ZNF385D: variants seen among roughly 807,000 people sequenced by gnomAD.
ZNF385D encodes zinc finger protein 659.
Under a neutral mutation model 35.8 loss-of-function variants are expected in ZNF385D, and 15 were observed. The ratio of observed to expected loss-of-function variants is 0.42; its 90% CI spans 0.28 to 0.64. The LOEUF is 0.64. ZNF385D is among the 30% of genes least tolerant of loss of function. The pLI is 0.23. For missense variants in ZNF385D, 474 were observed against 494.6 expected, an observed-to-expected ratio of 0.96 and a Z score of 0.39; for synonymous variants, 212 against 186.8, an observed-to-expected ratio of 1.13 and a Z score of -1.10.
chr3:22,177,787 T>C (rs1321928883), intron 2 of ZNF385D, among the ~76,000 whole-genome samples: 1 of 152,136 alleles, frequency 6.6e-6, no homozygotes, highest in African/African-American at 2.4e-5. Flanking sequence ...CCTGTGCCCA[T>C]GTGTTCTCAC....
chr3:22,184,623 C>G (rs567666554), intron 2 of ZNF385D, among the ~76,000 whole-genome samples: 1 of 152,042 alleles, frequency 6.6e-6, no homozygotes, highest in Admixed American at 6.6e-5. Flanking sequence ...GTCAGGAATT[C>G]GAGACCAGAC....
At chr3:21,987,572 C>A (rs890138284) in intron 3 of ZNF385D, among the ~76,000 whole-genome samples, 1 of 119,672 alleles carries the variant, frequency 8.4e-6, no homozygotes, top group Non-Finnish European at 1.7e-5. Context: ...TTGAGGGTAA[C>A]CCGACCTTTC....
intron 3 of ZNF385D, among the ~76,000 whole-genome samples, chr3:21,845,658 C>T (rs1695960326): frequency 6.6e-6 from 1 of 151,912 alleles, no homozygotes; most frequent in South Asian, 2.1e-4. Flanking sequence ...AATATATCCC[C>T]TGAAGAAACA....
chr3:21,751,017 T>C lies in ZNF385D; in HGVS notation c.-101A>G, dbSNP rs1403400187. 8 of 1,603,852 alleles carry C rather than the reference T, an allele frequency of 5.0e-6. No homozygotes were observed. In the Admixed American group the frequency reaches 6.8e-5, roughly 14 times the overall value. ...CCTTTCATGCTACATTCGGTGGAAA[T>C]GTCCCCGGCGTGGAGAGCAGTGAGC... is the stretch of plus-strand genomic sequence containing the variant. On this transcript the variant is annotated 5_prime_UTR_variant, in exon 1 of 8. Transcript: ENST00000281523.
chr3:21,976,285 T>A (rs908422248), intron 3 of ZNF385D, among the ~76,000 whole-genome samples: 1 of 151,914 alleles, frequency 6.6e-6, no homozygotes, highest in African/African-American at 2.4e-5. Context: ...GAAGAAAAAA[T>A]AGACAACAGA....
intron 2 of ZNF385D, among the ~76,000 whole-genome samples, chr3:22,305,755 T>C (rs1703173241): frequency 6.6e-6 from 1 of 152,168 alleles, no homozygotes; most frequent in African/African-American, 2.4e-5. Flanking sequence ...TCAGTAAAAG[T>C]AGAGAACTAA....
At chr3:21,663,900 T>TATATATATATATATATATATATATATAC (rs2066312607) in intron 2 of ZNF385D, among the ~76,000 whole-genome samples, 2 of 117,640 alleles carry the variant, frequency 1.7e-5, no homozygotes, top group Non-Finnish European at 3.6e-5. Context: ...AATATATATA[T>TATATATATATATATATATATATATATAC]ATATATATAT....
chr3:22,280,461 G>A (rs1182747672), intron 2 of ZNF385D, among the ~76,000 whole-genome samples: 2 of 151,808 alleles, frequency 1.3e-5, no homozygotes, highest in African/African-American at 2.4e-5. Context: ...TAAGAGAAGA[G>A]GATCCAGTTT....
chr3:22,017,130 T>C (rs1459237631), intron 3 of ZNF385D, among the ~76,000 whole-genome samples: 2 of 152,060 alleles, frequency 1.3e-5, no homozygotes, highest in Non-Finnish European at 2.9e-5. Context: ...AGGTTAACAT[T>C]TTGTTATATA....
At chr3:21,704,760 A>G (rs1039416401) in intron 1 of ZNF385D, among the ~76,000 whole-genome samples, 1 of 152,208 alleles carries the variant, frequency 6.6e-6, no homozygotes, top group African/African-American at 2.4e-5. Context: ...CAGTATCCCC[A>G]GTACCTAGAA....
intron 2 of ZNF385D, among the ~76,000 whole-genome samples, chr3:22,256,591 T>C (rs750507741): frequency 6.6e-6 from 1 of 151,934 alleles, no homozygotes; most frequent in Non-Finnish European, 1.5e-5. Context: ...ACAAGTGAGA[T>C]AGTGATAAAT....
chr3:21,537,398 CTG>C (rs2062063109), intron 3 of ZNF385D, among the ~76,000 whole-genome samples: 1 of 151,860 alleles, frequency 6.6e-6, no homozygotes, highest in African/African-American at 2.4e-5. Flanking sequence ...TTACAGGCAT[CTG>C]TAATCACCTG....
At chr3:22,354,928 C>G (rs984705141) in intron 2 of ZNF385D, among the ~76,000 whole-genome samples, 1 of 152,034 alleles carries the variant, frequency 6.6e-6, no homozygotes, top group Non-Finnish European at 1.5e-5. Context: ...GGCTACCATA[C>G]AGGAAAACAC....
At chr3:21,934,715 T>C (rs1271925288) in intron 3 of ZNF385D, among the ~76,000 whole-genome samples, 1 of 152,194 alleles carries the variant, frequency 6.6e-6, no homozygotes, top group Non-Finnish European at 1.5e-5. Context: ...GGGGGACACA[T>C]TTCTTCAGTT....
At chr3:21,469,716 C>T (rs1703762975) in intron 4 of ZNF385D, among the ~76,000 whole-genome samples, 1 of 151,614 alleles carries the variant, frequency 6.6e-6, no homozygotes, top group Non-Finnish European at 1.5e-5. Context: ...TTTTATTTTC[C>T]TTATTGTAGT....
intron 3 of ZNF385D, among the ~76,000 whole-genome samples, chr3:21,802,811 G>A (rs1374135924): frequency 2.0e-5 from 3 of 152,164 alleles, no homozygotes; most frequent in Non-Finnish European, 4.4e-5. Context: ...AACTGGGCAG[G>A]TTAATAACAA....
At chr3:21,469,923 G>T (rs560537184) in intron 4 of ZNF385D, among the ~76,000 whole-genome samples, 1 of 133,772 alleles carries the variant, frequency 7.5e-6, no homozygotes, top group African/African-American at 2.8e-5. Flanking sequence ...CACAAAGCAG[G>T]TGCTTTAAGA....
intron 3 of ZNF385D, among the ~76,000 whole-genome samples, chr3:22,028,674 T>C (rs961115550): frequency 1.3e-5 from 2 of 152,202 alleles, no homozygotes; most frequent in Non-Finnish European, 2.9e-5. Context: ...GGATGCCTTA[T>C]CCATGATCAT....
chr3:21,520,063 T>C (rs1158068451), intron 3 of ZNF385D, among the ~76,000 whole-genome samples: 1 of 152,214 alleles, frequency 6.6e-6, no homozygotes, highest in Non-Finnish European at 1.5e-5. Context: ...ACGTGTAGTG[T>C]AGATAAATGA....
Sources: gnomAD v4.1 joint callset for allele counts (sites outside exome capture counted in the v4.1 genomes callset) on GRCh38, gnomAD v4.1.1 for gene constraint, MANE v1.5 for transcripts, NCBI Gene and HGNC (gene_info 2026-07-23, HGNC 2026-07-21) for gene names.